ZNF106: variants seen among roughly 807,000 people sequenced by gnomAD.
The protein encoded by ZNF106 is SH3-domain binding protein 3.
Under a neutral mutation model 195.1 loss-of-function variants are expected in ZNF106, and 67 were observed. That is an observed-to-expected ratio of 0.34 (90% CI 0.28 to 0.42). The LOEUF is 0.42. ZNF106 is among the 10% of genes least tolerant of loss of function. ZNF106 has a pLI of 1.00. For synonymous variants in ZNF106, 784 were observed against 818.6 expected, an observed-to-expected ratio of 0.96 and a Z score of 0.72; for missense variants, 2,118 against 2,304.5, an observed-to-expected ratio of 0.92 and a Z score of 1.66.
chr15:42,417,229 A>C lies in ZNF106; in HGVS notation c.*75T>G. 2.1e-5 allele frequency: 32 copies of C among 1,505,606 alleles called. No individual in the cohort carries two copies. Among genetic ancestry groups the C allele is most frequent in the Non-Finnish European group, 2.7e-5 (29 of 1,084,532 alleles). The allele number at this position is 1,505,606 out of a possible 1,614,324, so 93.3% of individuals were successfully genotyped here. Reference sequence around the variant, plus strand: ...CTTCCTTACTTCACCAAGAAAGGGAAGAGAGTGGCCTGTGTGGGGGGCCAA... The same window carrying C: ...CTTCCTTACTTCACCAAGAAAGGGACGAGAGTGGCCTGTGTGGGGGGCCAA... On this transcript the variant is annotated 3_prime_UTR_variant, in exon 22 of 22. Transcript: ENST00000564754.
rs934877 is a variant in ZNF106 at position 42,421,588 on chromosome 15, T to C, written c.5445+329A>G. ...TCTACTTTTAGGTCTGCTGTAACCA[T>C]GCCACACTGGCCAAATCTCCTGACT... is the stretch of plus-strand genomic sequence containing the variant. On this transcript the variant is annotated intron_variant, in intron 19 of 21. Coordinates refer to ENST00000564754, the MANE Select transcript of ZNF106 (RefSeq NM_001366845.3). Among the ~76,000 whole-genome samples the C allele has an allele frequency of 8.4e-3, 1,278 of 152,338 alleles. 9 individuals carry two copies. The highest frequency in any genetic ancestry group is 0.037 in the Middle Eastern group (11 of 294).
chr15:42,444,149 C>CA (rs1012091206), intron 9 of ZNF106, 53 bp downstream of exon 9: 4 of 382,912 alleles, frequency 1.0e-5, no homozygotes, highest in African/African-American at 2.9e-5. Flanking sequence ...GCAGAGAAAA[C>CA]AAAAAAGTAA....
At chr15:42,435,958 C>CT (rs1216348787) in intron 13 of ZNF106, among the ~76,000 whole-genome samples, 12,316 of 140,492 alleles carry the variant, frequency 0.088, 1,144 homozygotes, top group African/African-American at 0.21. Context: ...GGTGTTGTTT[C>CT]TTTTTTTTTT....
At position 42,417,248 on chromosome 15, in the gene ZNF106, G is replaced by C; in HGVS notation, c.*56C>G. ...AAGGGAAGAGAGTGGCCTGTGTGGG[G>C]GGCCAATGTGAAAATAGTTCAACTA... On this transcript the variant is annotated 3_prime_UTR_variant, in exon 22 of 22. Transcript: ENST00000564754. 6.3e-7 allele frequency: 1 copy of C among 1,586,118 alleles called. No individual in the cohort carries two copies. The highest frequency in any genetic ancestry group is 8.7e-7 in the Non-Finnish European group (1 of 1,155,300).
intron 2 of ZNF106, among the ~76,000 whole-genome samples, chr15:42,469,344 C>A (rs1393275749): frequency 6.6e-6 from 1 of 152,278 alleles, no homozygotes; most frequent in East Asian, 1.9e-4. Context: ...AAACAGCATT[C>A]ACTGAAATGG....
chr15:42,420,706 C>T (rs1026892090), intron 20 of ZNF106, among the ~76,000 whole-genome samples: 1 of 152,128 alleles, frequency 6.6e-6, no homozygotes, highest in African/African-American at 2.4e-5. Flanking sequence ...TTAGAACTTA[C>T]AAGACCTTAA....
At chr15:42,481,231 T>G (rs1169242486) in intron 1 of ZNF106, among the ~76,000 whole-genome samples, 1 of 152,148 alleles carries the variant, frequency 6.6e-6, no homozygotes, top group East Asian at 1.9e-4. Context: ...GATTCAACTT[T>G]CCATCTGGTA....
At chr15:42,437,403 G>C (rs1240272654) in intron 12 of ZNF106, 26 bp from the exon 13 acceptor site, 1 of 1,611,912 alleles carries the variant, frequency 6.2e-7, no homozygotes, top group African/African-American at 1.3e-5. Flanking sequence ...AGGTTTCAGA[G>C]ACATGTCTGC....
At position 42,449,847 on chromosome 15, in the gene ZNF106, G is replaced by A. The variant is rs756768966; in HGVS notation, c.2425C>T (p.Arg809Trp). ...PTLRQILNAS[R>W]RNVNWEQVIQ... ...ACCTGTTCCCAGTTGACATTTCTCC[G>A]AGATGCATTTAGAATCTGCCGTAGG... is the stretch of plus-strand genomic sequence containing the variant. Residue 809 changes from arginine to tryptophan, a missense_variant, in exon 5 of 22, where the codon CGG becomes TGG. Physicochemically the swap from Arg to Trp is moderately radical, Grantham distance 101 (BLOSUM62 -3). Transcript: ENST00000564754. 2.0e-5 allele frequency: 33 copies of A among 1,614,034 alleles called. No homozygotes were observed. The highest frequency in any genetic ancestry group is 8.3e-5 in the Admixed American group (5 of 59,994).
In ZNF106 at chr15:42,417,658, G is replaced by A. The variant is rs184377888; in HGVS notation, c.5664+147C>T. 5 of 967,690 alleles carry A rather than the reference G, an allele frequency of 5.2e-6. No homozygotes were observed. The African/African-American group carries it at 6.6e-5, about 13-fold the overall frequency. The allele number at this position is 967,690 out of a possible 1,614,324, so 59.9% of individuals were successfully genotyped here. ...AATTCTTCATTTGCAACTTCATTAA[G>A]CTACCCCCCAAATCTCTGAATCATA... On this transcript the variant is annotated intron_variant, in intron 21 of 21. Coordinates refer to ENST00000564754, the MANE Select transcript of ZNF106 (RefSeq NM_001366845.3).
At chr15:42,462,023 G>A (rs1243423981) in intron 3 of ZNF106, among the ~76,000 whole-genome samples, 1 of 152,106 alleles carries the variant, frequency 6.6e-6, no homozygotes, top group Non-Finnish European at 1.5e-5. Flanking sequence ...TACAGGTCAG[G>A]AACACTATAT....
intron 14 of ZNF106, 135 bp from the exon 15 acceptor site, chr15:42,428,269 C>G: frequency 1.6e-6 from 1 of 628,656 alleles, no homozygotes; most frequent in South Asian, 1.9e-5. Context: ...TTGTAGGGGA[C>G]TATCTTAGAT....
rs375371975 is a variant in ZNF106 at position 42,449,655 on chromosome 15, A to T, written c.2501+116T>A. 3.6e-5 allele frequency: 49 copies of T among 1,356,990 alleles called. No individual in the cohort carries two copies. The African/African-American group carries it at 6.4e-4, about 18-fold the overall frequency. The allele number at this position is 1,356,990 out of a possible 1,614,324, so 84.1% of individuals were successfully genotyped here. On this transcript the variant is annotated intron_variant, in intron 5 of 21. Coordinates refer to ENST00000564754, the MANE Select transcript of ZNF106 (RefSeq NM_001366845.3). ...GATATTAAATCAAGACATCTACAAC[A>T]GATATTGTTGGCAAACATTTAATTA...
rs140294733 is a variant in ZNF106, at chr15:42,450,944, G to A, written c.1328C>T (p.Ser443Phe). 3.5e-5 allele frequency: 56 copies of A among 1,614,218 alleles called. No individual in the cohort carries two copies. In the African/African-American group the frequency reaches 6.5e-4, roughly 19 times the overall value. Residue 443 changes from serine to phenylalanine, a missense_variant, in exon 5 of 22, where the codon TCT (serine) becomes TTT (phenylalanine). Transcript: ENST00000564754. ...HTGSLNHKASSDSAASFEVVR... is the reference protein window; with the variant it reads ...HTGSLNHKASFDSAASFEVVR... ...CACCTCGAAGGAAGCAGCGGAATCA[G>A]AAGAGGCCTTGTGATTAAGAGATCC... is the stretch of plus-strand genomic sequence containing the variant.
intron 16 of ZNF106, chr15:42,424,321 T>C: frequency 4.6e-6 from 2 of 433,676 alleles, no homozygotes; most frequent in Admixed American, 3.9e-5. Flanking sequence ...CATTCGAGTA[T>C]ACCCACAGTA....
At position 42,478,016 on chromosome 15, in the gene ZNF106, G is replaced by A. The variant is rs1219952216; in HGVS notation, c.-32-5695C>T. 2.6e-5 allele frequency among the ~76,000 whole-genome samples: 4 copies of A among 151,264 alleles called. No individual in the cohort carries two copies. The East Asian group carries it at 7.7e-4, about 29-fold the overall frequency. ...TTTATTTGAGACAGAGTCTCACTCT[G>A]TTGCCCAGGCTGGAGTGCAGTGGTG... On this transcript the variant is annotated intron_variant, in intron 1 of 21. Transcript: ENST00000564754.
In ZNF106 at chr15:42,450,701, G is replaced by C. The variant is rs760082495; in HGVS notation, c.1571C>G (p.Pro524Arg). The C allele has an allele frequency of 1.2e-6, 2 of 1,614,176 alleles. No homozygotes were observed. The highest frequency in any genetic ancestry group is 1.7e-6 in the Non-Finnish European group (2 of 1,180,032). Residue 524 changes from proline (P) to arginine (R), a missense_variant, in exon 5 of 22, where the codon CCT becomes CGT. Transcript: ENST00000564754. The part of the protein sequence containing the change: ...NKPTVEDNHG[P>R]YISKLRSSCP... Reference sequence around the variant, plus strand: ...TGAACTACGCAGTTTGGATATGTAAGGACCATGGTTATCTTCCACAGTGGG... The same window carrying C: ...TGAACTACGCAGTTTGGATATGTAACGACCATGGTTATCTTCCACAGTGGG...
intron 12 of ZNF106, 47 bp downstream of exon 12, chr15:42,438,565 G>C: frequency 6.6e-7 from 1 of 1,521,882 alleles, no homozygotes; most frequent in African/African-American, 1.4e-5. Flanking sequence ...ATATTTACAA[G>C]GCTTTTAATT....
intron 2 of ZNF106, among the ~76,000 whole-genome samples, chr15:42,469,793 GC>G (rs1417090896): frequency 6.6e-6 from 1 of 150,416 alleles, no homozygotes; most frequent in Non-Finnish European, 1.5e-5. Context: ...AGCTGAGATG[GC>G]TCCACTGCAC....
Sources: allele counts gnomAD v4.1 joint callset (sites outside exome capture counted in the v4.1 genomes callset), GRCh38; gene constraint gnomAD v4.1.1; transcripts MANE v1.5; gene names NCBI Gene and HGNC (gene_info 2026-07-23, HGNC 2026-07-21).